The following FBXO11 variants were observed in gnomAD, a reference collection of about 807,000 sequenced individuals.
FBXO11 encodes the protein F-box only protein 11.
A neutral mutation model predicts 117.0 loss-of-function variants in FBXO11; 13 were observed. The observed-to-expected ratio is 0.11, with a 90% confidence interval of 0.07 to 0.18. FBXO11 has a LOEUF of 0.18. Ranked by LOEUF, FBXO11 falls within the 10% of genes least tolerant of loss-of-function variation. The pLI is 1.00. For missense variants in FBXO11, 767 were observed against 1,164.4 expected, an observed-to-expected ratio of 0.66 and a Z score of 4.97; for synonymous variants, 490 against 380.5, an observed-to-expected ratio of 1.29 and a Z score of -3.35.
At chr2:47,819,504 G>A (rs1056122132) in intron 14 of FBXO11, among the ~76,000 whole-genome samples, 8 of 152,206 alleles carry the variant, frequency 5.3e-5, no homozygotes, top group African/African-American at 9.6e-5. Context: ...GTGAGCCACC[G>A]CGCCCGGCCA....
chr2:47,888,663 T>C, intron 1 of FBXO11: 11 of 983,410 alleles, frequency 1.1e-5, no homozygotes, highest in Non-Finnish European at 1.3e-5. Context: ...CACTTAAAAT[T>C]TCCTGTTAGA....
At chr2:47,813,176 G>T (rs776736922) in intron 18 of FBXO11, 58 bp downstream of exon 18, 328 of 1,502,742 alleles carry the variant, frequency 2.2e-4, no homozygotes, top group Non-Finnish European at 2.9e-4. Context: ...GATCATTAAA[G>T]ATATGGAAGA....
chr2:47,887,733 C>T (rs777471293), intron 1 of FBXO11, among the ~76,000 whole-genome samples: 1 of 152,090 alleles, frequency 6.6e-6, no homozygotes, highest in Non-Finnish European at 1.5e-5. Flanking sequence ...TGGTGGCACA[C>T]GCCTGTAGTC....
At position 47,904,612 on chromosome 2, in the gene FBXO11, ACACACACAC is replaced by A. The variant is rs779910608; in HGVS notation, c.232+868_232+876del. Among the ~76,000 whole-genome samples the A allele has an allele frequency of 5.2e-3, 714 of 137,306 alleles. 1 individual carries two copies. Among genetic ancestry groups the A allele is most frequent in the African/African-American group, 0.011 (408 of 37,696 alleles). The allele number at this position is 137,306 out of a possible 152,430, so 90.1% of individuals were successfully genotyped here. ...CACACACACACACACACACACACAC[ACACACACAC>A]AAAATATCCCAAGGGGCCAGTTCTA... is the stretch of plus-strand genomic sequence containing the variant. On this transcript the variant is annotated intron_variant, in intron 1 of 22. Transcript: ENST00000403359.
chr2:47,893,754 A>G (rs2103997264), intron 1 of FBXO11, among the ~76,000 whole-genome samples: 1 of 152,310 alleles, frequency 6.6e-6, no homozygotes, highest in Non-Finnish European at 1.5e-5. Flanking sequence ...AAATCCTCTA[A>G]TTTAAAGATA....
At chr2:47,844,851 G>C (rs1572832839) in intron 1 of FBXO11, among the ~76,000 whole-genome samples, 1 of 152,050 alleles carries the variant, frequency 6.6e-6, no homozygotes, top group African/African-American at 2.4e-5. Context: ...GCCAAGGATG[G>C]GTCTCAAACT....
At chr2:47,852,940 G>A (rs979222081) in intron 1 of FBXO11, among the ~76,000 whole-genome samples, 7 of 152,090 alleles carry the variant, frequency 4.6e-5, no homozygotes, top group African/African-American at 1.7e-4. Flanking sequence ...AAGCTCCAGA[G>A]CCCCCTACTC....
rs1469334151 is a variant in FBXO11 at position 47,818,697 on chromosome 2, T to C, written c.2006+82A>G. On this transcript the variant is annotated intron_variant, in intron 16 of 22. Transcript: ENST00000403359. ...CAATAGGGGGATAAAGATTGGGCAT[T>C]AAACAATAAGCAAATTTCTTTTACA... 3 of 886,636 alleles carry C rather than the reference T, an allele frequency of 3.4e-6. No homozygotes were observed. In the African/African-American group the frequency reaches 5.1e-5, roughly 15 times the overall value. 54.9% of individuals were successfully genotyped at this position (886,636 alleles called of 1,614,324 possible).
intron 1 of FBXO11, among the ~76,000 whole-genome samples, chr2:47,855,286 G>A (rs1291539479): frequency 1.3e-5 from 2 of 151,236 alleles, no homozygotes; most frequent in Admixed American, 6.6e-5. Context: ...CTGCAGCCTC[G>A]ACTTCTGGAG....
chr2:47,905,746 G>C lies in FBXO11; in HGVS notation c.-26C>G, dbSNP rs1290800491. 1 of 1,517,708 alleles carries C rather than the reference G, an allele frequency of 6.6e-7. No individual in the cohort carries two copies. 94.0% of individuals were successfully genotyped at this position (1,517,708 alleles called of 1,614,324 possible). A position where few individuals can be genotyped will look rare whatever the true frequency, so the allele number is the denominator to read the frequency against. On this transcript the variant is annotated 5_prime_UTR_variant, in exon 1 of 23. Transcript: ENST00000403359. ...TTGCCGGGCTGAGGTGGCGGCGTTG[G>C]CGGAGGGACACACACACGCACACGC...
chr2:47,823,412 G>A (rs1335097536), intron 11 of FBXO11, 52 bp from the exon 12 acceptor site: 1 of 1,324,026 alleles, frequency 7.6e-7, no homozygotes, highest in Admixed American at 2.5e-5. Flanking sequence ...TACAAAAAAA[G>A]AAATGCCATT....
rs993841475 is a variant in FBXO11, at chr2:47,876,727, T to C, written c.232+28762A>G. Among the ~76,000 whole-genome samples, 6 of 152,320 alleles carry C rather than the reference T, an allele frequency of 3.9e-5. No homozygotes were observed. In the South Asian group the frequency reaches 1.2e-3, roughly 32 times the overall value. ...GAGCATCTAGAAGATTTAAAAAATT[T>C]ATCCTGGTAAGCAACTGTTCAGCAG... On this transcript the variant is annotated intron_variant, in intron 1 of 22. Coordinates refer to ENST00000403359, the MANE Select transcript of FBXO11 (RefSeq NM_001190274.2).
At chr2:47,841,164 C>G (rs569914183) in intron 1 of FBXO11, among the ~76,000 whole-genome samples, 1 of 152,264 alleles carries the variant, frequency 6.6e-6, no homozygotes, top group East Asian at 1.9e-4. Context: ...TGCCACTGCA[C>G]TCCAGCCTGG....
At position 47,818,773 on chromosome 2, in the gene FBXO11, AT is replaced by A; in HGVS notation, c.2006+5del. The A allele has an allele frequency of 1.3e-6, 2 of 1,571,302 alleles. No homozygotes were observed. Among genetic ancestry groups the A allele is most frequent in the Non-Finnish European group, 1.7e-6 (2 of 1,165,606 alleles). ...CCAAAAGATAGCCAAATATGAAAAC[AT>A]TTACCTTATCTGAACCCCTGAATAC... On this transcript the variant is annotated splice_donor_5th_base_variant and intron_variant, in intron 16 of 22. Coordinates refer to ENST00000403359, the MANE Select transcript of FBXO11 (RefSeq NM_001190274.2).
chr2:47,849,159 A>G (rs1332277206), intron 1 of FBXO11, among the ~76,000 whole-genome samples: 1 of 152,150 alleles, frequency 6.6e-6, no homozygotes, highest in Non-Finnish European at 1.5e-5. Flanking sequence ...TAACTGCTAA[A>G]AAAATTCACA....
chr2:47,878,210 ATC>A (rs1676154106), intron 1 of FBXO11, among the ~76,000 whole-genome samples: 1 of 152,050 alleles, frequency 6.6e-6, no homozygotes, highest in South Asian at 2.1e-4. Flanking sequence ...CAGGCTGTTC[ATC>A]TCCCTGCTCC....
At chr2:47,873,202 G>A (rs1053242337) in intron 1 of FBXO11, among the ~76,000 whole-genome samples, 2 of 152,170 alleles carry the variant, frequency 1.3e-5, no homozygotes, top group African/African-American at 4.8e-5. Flanking sequence ...TTAAAGCACT[G>A]GGATGCTCAA....
chr2:47,845,352 A>T (rs1294335015), intron 1 of FBXO11, among the ~76,000 whole-genome samples: 1 of 152,198 alleles, frequency 6.6e-6, no homozygotes, highest in Non-Finnish European at 1.5e-5. Flanking sequence ...ACTTGTAAAC[A>T]CTGTCCTGAA....
At chr2:47,835,075 A>G (rs1672448237) in intron 5 of FBXO11, among the ~76,000 whole-genome samples, 1 of 152,218 alleles carries the variant, frequency 6.6e-6, no homozygotes, top group Admixed American at 6.5e-5. Context: ...GGGTTTCTCA[A>G]TCTCAGCATT....
Sources: gnomAD v4.1 joint callset for allele counts (sites outside exome capture counted in the v4.1 genomes callset) on GRCh38, gnomAD v4.1.1 for gene constraint, MANE v1.5 for transcripts, NCBI Gene and HGNC (gene_info 2026-07-23, HGNC 2026-07-21) for gene names.